The following CERS1 variants were observed in gnomAD, a reference collection of about 807,000 sequenced individuals.
CERS1 encodes the protein ceramide synthase 1, also known as Embryonic growth/differentiation factor 1.
CERS1 carries 16 observed loss-of-function variants against 35.7 expected under a neutral mutation model. That is an observed-to-expected ratio of 0.45 (90% CI 0.30 to 0.68). The LOEUF is 0.68. Ranked by LOEUF, CERS1 falls within the 30% of genes least tolerant of loss-of-function variation. The pLI is 0.08. For missense variants in CERS1, 454 were observed against 453.9 expected (o/e 1.00, Z 0.00); for synonymous variants, 243 against 201.6 (o/e 1.21, Z -1.74).
At position 18,880,418 on chromosome 19, in the gene CERS1, A is replaced by T; in HGVS notation, c.608T>A (p.Ile203Asn). The stretch of plus-strand genomic sequence containing the variant: ...GATATCGTGCAGGAAGAGCACAAGG[A>T]TGCCCACATTGTGGTACCTGGGGGA... ...SYAFRYHNVGILVLFLHDISD... is the reference protein window; with the variant it reads ...SYAFRYHNVGNLVLFLHDISD... The change falls in exon 4 of 8, where the codon ATC (isoleucine) becomes AAC (asparagine). Residue 203 changes from isoleucine to asparagine, a missense_variant. Coordinates refer to ENST00000623882, the MANE Select transcript of CERS1 (RefSeq NM_021267.5). 1 of 1,589,224 alleles carries T rather than the reference A, an allele frequency of 6.3e-7. No individual in the cohort carries two copies. The highest frequency in any genetic ancestry group is 8.6e-7 in the Non-Finnish European group (1 of 1,166,922).
Position 18,870,212 on chromosome 19 carries a change from G to T in CERS1, c.*365C>A, listed in dbSNP as rs2055942070. The T allele has an allele frequency of 2.6e-6, 4 of 1,556,708 alleles. No homozygotes were observed. Among genetic ancestry groups the T allele is most frequent in the South Asian group, 2.4e-5 (2 of 84,998 alleles). On this transcript the variant is annotated 3_prime_UTR_variant, in exon 7 of 8. Coordinates refer to ENST00000623882, the MANE Select transcript of CERS1 (RefSeq NM_021267.5). This position sits in a 1 kb window ranked among gnomAD's most constrained non-coding sequence, Gnocchi z 5.1. The stretch of plus-strand genomic sequence containing the variant: ...GGAGCAGGGCGGCGGCTGGGCCTGG[G>T]GGCACGGGGGCGCGGGTCAGGGGCA...
chr19:18,895,844 C>G lies in CERS1; in HGVS notation c.229G>C (p.Ala77Pro). 7.7e-7 allele frequency: 1 copy of G among 1,295,964 alleles called. No individual in the cohort carries two copies. The highest frequency in any genetic ancestry group is 2.0e-5 in the South Asian group (1 of 51,204). 80.3% of individuals were successfully genotyped at this position (1,295,964 alleles called of 1,614,324 possible). Residue 77 changes from alanine (A) to proline (P), a missense_variant, in exon 1 of 8, where the codon GCC (alanine) becomes CCC (proline). Transcript: ENST00000623882. The surrounding 1 kb of genome is among the most constrained non-coding windows in gnomAD (Gnocchi z 6.4). ...CTGACCCGAAAGAGGCGCGCAGTGGCCGCGGAGCGCAGGGCGGTCCAGCCC... is the reference window on the plus strand; with the variant it reads ...CTGACCCGAAAGAGGCGCGCAGTGGGCGCGGAGCGCAGGGCGGTCCAGCCC... ...ALGWTALRSA[A>P]TARLFRPLAK...
chr19:18,877,304 G>C (rs2056075662), intron 6 of CERS1, among the ~76,000 whole-genome samples: 1 of 152,110 alleles, frequency 6.6e-6, no homozygotes, highest in Admixed American at 6.6e-5. Context: ...CTCTTGTTCT[G>C]GGTTCTGCAC....
intron 2 of CERS1, among the ~76,000 whole-genome samples, chr19:18,884,665 C>G (rs902980760): frequency 6.7e-6 from 1 of 150,032 alleles, no homozygotes; most frequent in Non-Finnish European, 1.5e-5. Context: ...CCTCGGCCTC[C>G]CAAAGTTCTG....
In CERS1 at chr19:18,879,076, G is replaced by T. The variant is rs199624421; in HGVS notation, c.901-37C>A. ...GAGGGGAGGTGCCAGTGAGAAGAAA[G>T]CCCCCACGCCACTGCCCTGCTGACA... On this transcript the variant is annotated intron_variant, in intron 5 of 7. Coordinates refer to ENST00000623882, the MANE Select transcript of CERS1 (RefSeq NM_021267.5). 2.2e-4 allele frequency: 356 copies of T among 1,605,636 alleles called. 1 individual carries two copies. In the African/African-American group the frequency reaches 4.2e-3, roughly 19 times the overall value.
rs1601197103 is a variant in CERS1 at position 18,895,825 on chromosome 19, C to G, written c.248G>C (p.Arg83Pro). Residue 83 changes from arginine (R) to proline (P), a missense_variant and splice_region_variant, in exon 1 of 8, where the codon CGG becomes CCG. Coordinates refer to ENST00000623882, the MANE Select transcript of CERS1 (RefSeq NM_021267.5). This position sits in a 1 kb window ranked among gnomAD's most constrained non-coding sequence, Gnocchi z 6.4. ...GTCCCGGCCCCCGGCCACACTGACC[C>G]GAAAGAGGCGCGCAGTGGCCGCGGA... ...LRSAATARLF[R>P]PLAKRCCLQP... 1 of 1,282,612 alleles carries G rather than the reference C, an allele frequency of 7.8e-7. No individual in the cohort carries two copies. Among genetic ancestry groups the G allele is most frequent in the Non-Finnish European group, 9.9e-7 (1 of 1,013,272 alleles). The allele number at this position is 1,282,612 out of a possible 1,614,324, so 79.5% of individuals were successfully genotyped here.
intron 2 of CERS1, among the ~76,000 whole-genome samples, chr19:18,893,161 C>A (rs1382198199): frequency 5.9e-5 from 9 of 152,116 alleles, no homozygotes; most frequent in Non-Finnish European, 1.0e-4. Flanking sequence ...GATCCACTCA[C>A]CTTGGCCTCC....
At position 18,873,517 on chromosome 19, in the gene CERS1, T is replaced by C. The variant is rs1453121043; in HGVS notation, c.1011-2898A>G. 2.0e-5 allele frequency among the ~76,000 whole-genome samples: 3 copies of C among 151,658 alleles called. No homozygotes were observed. In the East Asian group the frequency reaches 5.8e-4, roughly 30 times the overall value. ...TTTGAGATCAGCCTGGGCAACACAG[T>C]GAGACCCCATCTCTACAAAAATTTT... is the stretch of plus-strand genomic sequence containing the variant. On this transcript the variant is annotated intron_variant, in intron 6 of 7. Coordinates refer to ENST00000623882, the MANE Select transcript of CERS1 (RefSeq NM_021267.5).
In CERS1 at chr19:18,879,000, C is replaced by G; in HGVS notation, c.940G>C (p.Val314Leu). The stretch of plus-strand genomic sequence containing the variant: ...TCCCGCAGGTCCTTCAGCTCGTGCA[C>G]CTGGCCTGTCAACACCTTGGCTGCA... Reference protein sequence around the residue: ...AFAAKVLTGQVHELKDLREYD... With the variant: ...AFAAKVLTGQLHELKDLREYD... Residue 314 changes from valine (V) to leucine (L), a missense_variant, in exon 6 of 8, where the codon GTG (valine) becomes CTG (leucine). Val to Leu is a conservative substitution (Grantham distance 32). Transcript: ENST00000623882. The surrounding 1 kb of genome is among the most constrained non-coding windows in gnomAD (Gnocchi z 4.6). 1 of 1,613,802 alleles carries G rather than the reference C, an allele frequency of 6.2e-7. No homozygotes were observed. Among genetic ancestry groups the G allele is most frequent in the Non-Finnish European group, 8.5e-7 (1 of 1,179,854 alleles).
At chr19:18,892,313 G>A (rs540839224) in intron 2 of CERS1, among the ~76,000 whole-genome samples, 3 of 152,068 alleles carry the variant, frequency 2.0e-5, no homozygotes, top group African/African-American at 7.2e-5. Flanking sequence ...TCCATGCTGT[G>A]CTTAAAAACA....
chr19:18,889,983 G>A (rs1378745865), intron 2 of CERS1, among the ~76,000 whole-genome samples: 1 of 152,116 alleles, frequency 6.6e-6, no homozygotes, highest in Non-Finnish European at 1.5e-5. Context: ...CAATCCTGGT[G>A]GGAGTCCCTT....
intron 2 of CERS1, among the ~76,000 whole-genome samples, chr19:18,889,671 C>A (rs2056446339): frequency 2.0e-5 from 3 of 152,130 alleles, no homozygotes; most frequent in Admixed American, 1.3e-4. Flanking sequence ...CTCAAGTGAT[C>A]CTCCCACCTT....
intron 2 of CERS1, among the ~76,000 whole-genome samples, chr19:18,888,893 T>C (rs868054322): frequency 0.02 from 2,899 of 146,282 alleles, 41 homozygotes; most frequent in African/African-American, 0.035. Context: ...TTCTTTCTTT[T>C]TTTTTTTTTT....
chr19:18,869,252 G>A lies in CERS1; in HGVS notation c.*733C>T, dbSNP rs973565739. On this transcript the variant is annotated 3_prime_UTR_variant, in exon 8 of 8. Transcript: ENST00000623882. The stretch of plus-strand genomic sequence containing the variant: ...CCAGCCGCCCTCCGGGGCTGCCGCC[G>A]CCGCCGCCGCGAAACGCAGCTCCAG... The A allele has an allele frequency of 1.7e-5, 25 of 1,440,978 alleles. No individual in the cohort carries two copies. The African/African-American group carries it at 3.8e-4, about 22-fold the overall frequency. 89.3% of individuals were successfully genotyped at this position (1,440,978 alleles called of 1,614,324 possible).
In CERS1 at chr19:18,896,114, G is replaced by A. The variant is rs915665798; in HGVS notation, c.-42C>T. 5.0e-5 allele frequency: 41 copies of A among 819,766 alleles called. No individual in the cohort carries two copies. In the African/African-American group the frequency reaches 5.8e-4, roughly 12 times the overall value. The allele number at this position is 819,766 out of a possible 1,614,324, so 50.8% of individuals were successfully genotyped here. On this transcript the variant is annotated 5_prime_UTR_variant, in exon 1 of 8. Transcript: ENST00000623882. The surrounding 1 kb of genome is among the most constrained non-coding windows in gnomAD (Gnocchi z 5.9). Reference sequence around the variant, plus strand: ...CCGTGCCCGTCGCCTGCGCCCGCCCGCGGTAGCCGACGGAGCCGCGCGCCC... The same window carrying A: ...CCGTGCCCGTCGCCTGCGCCCGCCCACGGTAGCCGACGGAGCCGCGCGCCC...
chr19:18,885,511 GTTTTTTTTTT>G (rs59793456), intron 2 of CERS1, among the ~76,000 whole-genome samples: 1 of 22,122 alleles, frequency 4.5e-5, no homozygotes, highest in African/African-American at 1.1e-4. Flanking sequence ...GCCCCTTCTC[GTTTTTTTTTT>G]TTTTTTTTTT....
intron 2 of CERS1, among the ~76,000 whole-genome samples, chr19:18,885,567 T>A (rs1601175740): frequency 6.8e-6 from 1 of 146,016 alleles, no homozygotes; most frequent in East Asian, 2.0e-4. Flanking sequence ...TAGCCCAGGC[T>A]GGAGTGCAGT....
At chr19:18,880,188 T>C (rs992354389) in intron 4 of CERS1, 86 bp downstream of exon 4, 54 of 1,395,398 alleles carry the variant, frequency 3.9e-5, no homozygotes, top group Non-Finnish European at 5.2e-5. Context: ...CCCGCCTCCT[T>C]CCCTGCCTGG....
In CERS1 at chr19:18,895,775, G is replaced by A; in HGVS notation, c.249+49C>T. The A allele has an allele frequency of 9.3e-7, 1 of 1,074,368 alleles. No individual in the cohort carries two copies. Among genetic ancestry groups the A allele is most frequent in the Non-Finnish European group, 1.2e-6 (1 of 857,036 alleles). The allele number at this position is 1,074,368 out of a possible 1,614,324, so 66.6% of individuals were successfully genotyped here. ...CGGCGGCCCCAGGTCCCCGGTCCCG[G>A]CTTCCCCCAGTCCGGGGTCCCCTCG... On this transcript the variant is annotated intron_variant, in intron 1 of 7. Coordinates refer to ENST00000623882, the MANE Select transcript of CERS1 (RefSeq NM_021267.5). This position sits in a 1 kb window ranked among gnomAD's most constrained non-coding sequence, Gnocchi z 6.4.
Sources: allele counts gnomAD v4.1 joint callset (sites outside exome capture counted in the v4.1 genomes callset), GRCh38; gene constraint gnomAD v4.1.1; non-coding constraint Gnocchi (gnomAD v3.1); transcripts MANE v1.5; gene names NCBI Gene and HGNC (gene_info 2026-07-23, HGNC 2026-07-21).